MAP3K1: variants seen among roughly 807,000 people sequenced by gnomAD.
MAP3K1 encodes MAP/ERK kinase kinase 1.
MAP3K1 carries 36 observed loss-of-function variants against 144.2 expected under a neutral mutation model. The observed-to-expected ratio is 0.25, with a 90% CI of 0.19 to 0.33. The LOEUF (loss-of-function observed/expected upper bound fraction) is 0.33. MAP3K1 is among the 10% of genes least tolerant of loss of function. MAP3K1 has a pLI of 1.00. For missense variants in MAP3K1, 1,650 were observed against 1,881.9 expected (o/e 0.88, Z 2.28); for synonymous variants, 718 against 688.7 (o/e 1.04, Z -0.67).
At chr5:56,891,233 A>G (rs1033973093) in intron 19 of MAP3K1, among the ~76,000 whole-genome samples, 3 of 148,890 alleles carry the variant, frequency 2.0e-5, no homozygotes, top group Non-Finnish European at 4.4e-5. Flanking sequence ...TTTGTTTTGT[A>G]TTTTTCCTTT....
chr5:56,881,947 G>T lies in MAP3K1; in HGVS notation c.2747G>T (p.Cys916Phe). 15 of 1,614,086 alleles carry T rather than the reference G, an allele frequency of 9.3e-6. No individual in the cohort carries two copies. The highest frequency in any genetic ancestry group is 1.1e-5 in the Non-Finnish European group (13 of 1,180,020). ...VHLEKTGKGLCATKLSASSED... is the reference protein window; with the variant it reads ...VHLEKTGKGLFATKLSASSED... The stretch of plus-strand genomic sequence containing the variant: ...TTAGAGAAAACTGGAAAAGGATTAT[G>T]TGCTACAAAATTGAGTGCCAGTTCA... The change falls in exon 14 of 20, where the codon TGT (cysteine) becomes TTT (phenylalanine). Residue 916 changes from cysteine to phenylalanine, a missense_variant. By Grantham distance (205) the Cys-to-Phe change is radical. Transcript: ENST00000399503.
intron 12 of MAP3K1, 80 bp downstream of exon 12, chr5:56,880,882 A>G (rs1452735949): frequency 1.6e-6 from 2 of 1,216,830 alleles, no homozygotes; most frequent in Non-Finnish European, 2.4e-6. Context: ...ATAATCTCTC[A>G]TGAGGCAGTT....
rs1214217745 is a variant in MAP3K1, at chr5:56,893,769, A to G, written c.*89A>G. On this transcript the variant is annotated 3_prime_UTR_variant, in exon 20 of 20. Transcript: ENST00000399503. ...GAACCACATTGATATTCTACTGGCCATGATGCCACTGAACAGCTATGAACG... is the reference window on the plus strand; with the variant it reads ...GAACCACATTGATATTCTACTGGCCGTGATGCCACTGAACAGCTATGAACG... 9 of 1,404,570 alleles carry G rather than the reference A, an allele frequency of 6.4e-6. No individual in the cohort carries two copies. The highest frequency in any genetic ancestry group is 3.6e-5 in the Admixed American group (2 of 55,308). 87.0% of individuals were successfully genotyped at this position (1,404,570 alleles called of 1,614,324 possible). A position where few individuals can be genotyped will look rare whatever the true frequency, so the allele number is the denominator to read the frequency against.
intron 15 of MAP3K1, 135 bp downstream of exon 15, chr5:56,883,814 G>T: frequency 1.0e-6 from 1 of 970,374 alleles, no homozygotes; most frequent in Non-Finnish European, 1.6e-6. Context: ...TTTCAAAGTA[G>T]ATGTTTCTAA....
intron 11 of MAP3K1, 95 bp downstream of exon 11, chr5:56,879,196 TTAAA>T (rs1748130117): frequency 2.2e-6 from 3 of 1,393,886 alleles, no homozygotes; most frequent in Non-Finnish European, 1.0e-6. Context: ...ATACATTTTA[TTAAA>T]TGAGTCTTTG....
chr5:56,893,300 A>G (rs1204662650), intron 19 of MAP3K1, among the ~76,000 whole-genome samples: 3 of 152,236 alleles, frequency 2.0e-5, no homozygotes, highest in Non-Finnish European at 4.4e-5. Flanking sequence ...GGAATAGGAT[A>G]TATTTGATCA....
chr5:56,892,857 T>C (rs1748587513), intron 19 of MAP3K1, among the ~76,000 whole-genome samples: 2 of 152,104 alleles, frequency 1.3e-5, no homozygotes, highest in Admixed American at 1.3e-4. Flanking sequence ...AATTAAAATA[T>C]GGTTATTGCA....
rs2111961846 is a variant in MAP3K1, at chr5:56,887,417, G to A, written c.4154G>A (p.Arg1385Lys). Residue 1385 changes from arginine (R) to lysine (K), a missense_variant, in exon 18 of 20, where the codon AGA becomes AAA. Transcript: ENST00000399503. ...LLIDSTGQRLRIADFGAAARL... is the reference protein window; with the variant it reads ...LLIDSTGQRLKIADFGAAARL... Reference sequence around the variant, plus strand: ...ATTGACAGCACTGGTCAGAGACTAAGAATTGCAGATTTTGGAGCTGCAGCC... The same window carrying A: ...ATTGACAGCACTGGTCAGAGACTAAAAATTGCAGATTTTGGAGCTGCAGCC... 6.2e-7 allele frequency: 1 copy of A among 1,614,212 alleles called. No individual in the cohort carries two copies. Among genetic ancestry groups the A allele is most frequent in the South Asian group, 1.1e-5 (1 of 91,092 alleles).
In MAP3K1 at chr5:56,826,395, G is replaced by C. The variant is rs144411343; in HGVS notation, c.482+10340G>C. On this transcript the variant is annotated intron_variant, in intron 1 of 19. Transcript: ENST00000399503. ...TACATGTAGTCAGGTCTTTCTGAAC[G>C]ACAGTGTTCACAAAGAGATGTTTGT... 4.6e-5 allele frequency among the ~76,000 whole-genome samples: 7 copies of C among 152,222 alleles called. No homozygotes were observed. The East Asian group carries it at 1.3e-3, about 29-fold the overall frequency.
At chr5:56,861,998 T>C (rs1747529696) in intron 3 of MAP3K1, 1 of 152,218 alleles carries the variant, frequency 6.6e-6, no homozygotes, top group African/African-American at 2.4e-5. Context: ...CAGTAGTTGT[T>C]GGCTCTATGT....
At chr5:56,822,100 A>G (rs567323065) in intron 1 of MAP3K1, among the ~76,000 whole-genome samples, 2 of 152,290 alleles carry the variant, frequency 1.3e-5, no homozygotes, top group East Asian at 3.9e-4. Flanking sequence ...TGCTCACTGC[A>G]GCCTCTGCCT....
At chr5:56,839,521 T>C (rs186135904) in intron 1 of MAP3K1, among the ~76,000 whole-genome samples, 1 of 152,368 alleles carries the variant, frequency 6.6e-6, no homozygotes, top group Non-Finnish European at 1.5e-5. Flanking sequence ...TAGTTGCCTT[T>C]TATTTTTCCA....
intron 5 of MAP3K1, 64 bp downstream of exon 5, chr5:56,865,520 T>A: frequency 2.0e-6 from 2 of 996,794 alleles, no homozygotes; most frequent in Non-Finnish European, 1.6e-6. Flanking sequence ...TTCTTAAAAT[T>A]TATCCTTCAC....
chr5:56,841,204 A>T (rs1746804000), intron 1 of MAP3K1, among the ~76,000 whole-genome samples: 1 of 132,146 alleles, frequency 7.6e-6, no homozygotes, highest in Admixed American at 7.9e-5. Context: ...TATTGATTTA[A>T]AAAAAAAAAA....
At chr5:56,857,082 G>T (rs1372985205) in intron 2 of MAP3K1, among the ~76,000 whole-genome samples, 1 of 152,090 alleles carries the variant, frequency 6.6e-6, no homozygotes, top group East Asian at 1.9e-4. Context: ...TATTTTAGAT[G>T]TTTTATCTCT....
intron 6 of MAP3K1, among the ~76,000 whole-genome samples, chr5:56,868,704 A>G (rs1747754632): frequency 6.6e-6 from 1 of 152,174 alleles, no homozygotes; most frequent in African/African-American, 2.4e-5. Context: ...CTTAAAATGT[A>G]AAAATATGGA....
At chr5:56,830,147 T>C (rs979686670) in intron 1 of MAP3K1, among the ~76,000 whole-genome samples, 4 of 152,206 alleles carry the variant, frequency 2.6e-5, no homozygotes, top group Admixed American at 6.5e-5. Context: ...AGAAATGTTA[T>C]CAGAATTATA....
intron 19 of MAP3K1, among the ~76,000 whole-genome samples, 166 bp from the exon 20 acceptor site, chr5:56,893,365 G>A (rs1006426699): frequency 5.3e-5 from 8 of 152,164 alleles, no homozygotes; most frequent in Admixed American, 1.3e-4. Context: ...CCATCCAGTG[G>A]ATGAATTTTT....
intron 19 of MAP3K1, among the ~76,000 whole-genome samples, chr5:56,891,791 A>C (rs946939800): frequency 6.6e-6 from 1 of 152,222 alleles, no homozygotes; most frequent in South Asian, 2.1e-4. Context: ...TTAAATAGGG[A>C]ATCATTTCCC....
Sources: allele counts gnomAD v4.1 joint callset (sites outside exome capture counted in the v4.1 genomes callset), GRCh38; gene constraint gnomAD v4.1.1; transcripts MANE v1.5; gene names NCBI Gene and HGNC (gene_info 2026-07-23, HGNC 2026-07-21).